RUFY1: variants seen among roughly 807,000 people sequenced by gnomAD.
RUFY1 encodes RUN and FYVE domain-containing protein 1.
In RUFY1, 54 loss-of-function variants were observed where a neutral mutation model predicts 94.6. That is an observed-to-expected ratio of 0.57 (90% CI 0.46 to 0.72). RUFY1 has a LOEUF of 0.72. Ranked by LOEUF, RUFY1 falls within the 30% of genes least tolerant of loss-of-function variation. The pLI, the probability that RUFY1 is intolerant of heterozygous loss-of-function variation, is 0.00. For missense variants in RUFY1, 883 were observed against 883.9 expected, an observed-to-expected ratio of 1.00 and a Z score of 0.01; for synonymous variants, 396 against 347.3, an observed-to-expected ratio of 1.14 and a Z score of -1.56.
In RUFY1 at chr5:179,609,460, C is replaced by T. The variant is rs201071293; in HGVS notation, c.2068C>T (p.Arg690Ter). Residue 690 changes from arginine to a stop codon, truncating the protein, a stop_gained, in exon 18 of 18, where the codon CGA becomes TGA. Transcript: ENST00000319449. LOFTEE classifies it high-confidence loss of function. ...LALPSYPKPV[R>*]VCDSCHTLLL... ...CCTGCCCTCCTACCCCAAGCCGGTG[C>T]GAGTGTGCGACAGCTGCCACACCCT... The T allele has an allele frequency of 3.1e-6, 5 of 1,611,984 alleles. No individual in the cohort carries two copies. The highest frequency in any genetic ancestry group is 4.2e-6 in the Non-Finnish European group (5 of 1,179,770).
intron 5 of RUFY1, among the ~76,000 whole-genome samples, chr5:179,573,583 C>T (rs574651062): frequency 1.1e-3 from 167 of 152,034 alleles, no homozygotes; most frequent in Non-Finnish European, 2.1e-3. Flanking sequence ...AGTGCAGTGG[C>T]ATAATCTCCA....
At chr5:179,586,615 C>T (rs911778238) in intron 8 of RUFY1, 25 of 348,406 alleles carry the variant, frequency 7.2e-5, no homozygotes, top group South Asian at 5.1e-4. Context: ...TAATGAGGGA[C>T]CCCGTGTAAG....
At chr5:179,589,839 C>T (rs1217160539) in intron 9 of RUFY1, among the ~76,000 whole-genome samples, 192 bp downstream of exon 9, 2 of 152,216 alleles carry the variant, frequency 1.3e-5, no homozygotes, top group Non-Finnish European at 2.9e-5. Context: ...GACGGGGACT[C>T]CCTTCATGGC....
In RUFY1 at chr5:179,609,379, C is replaced by T. The variant is rs1168624723; in HGVS notation, c.1987C>T (p.His663Tyr). ...CCGCCTTCTTCCCGTCCTGTAGCAC[C>T]ACTGCCGGAACTGTGGCCACATCTT... ...KEFSISRRKH[H>Y]CRNCGHIFCN... is the part of the protein sequence containing the mutation. The change falls in exon 18 of 18, where the codon CAC (histidine) becomes TAC (tyrosine). Residue 663 changes from histidine (H) to tyrosine (Y), a missense_variant. His to Tyr is a moderately conservative substitution (Grantham distance 83). Coordinates refer to ENST00000319449, the MANE Select transcript of RUFY1 (RefSeq NM_025158.5). 6.2e-7 allele frequency: 1 copy of T among 1,613,090 alleles called. No individual in the cohort carries two copies. The highest frequency in any genetic ancestry group is 8.5e-7 in the Non-Finnish European group (1 of 1,179,828).
At chr5:179,581,130 G>C (rs145041181) in intron 7 of RUFY1, 118 bp downstream of exon 7, 1 of 636,950 alleles carries the variant, frequency 1.6e-6, no homozygotes, top group Non-Finnish European at 2.8e-6. Context: ...AAGACAAAAG[G>C]GTCATCATTC....
At chr5:179,603,735 G>A (rs1218638604) in intron 15 of RUFY1, 1 of 152,214 alleles carries the variant, frequency 6.6e-6, no homozygotes, top group Non-Finnish European at 1.5e-5. Flanking sequence ...CATAGACCTC[G>A]AAACTGTGGT....
chr5:179,606,548 CAGCTGTGCCGTGGCAGCAATGCAAA>C (rs1302998440), intron 16 of RUFY1: 1 of 156,794 alleles, frequency 6.4e-6, no homozygotes, highest in African/African-American at 2.4e-5. Context: ...GCTTCGGCCT[CAGCTGTGCCGTGGCAGCAATGCAAA>C]AGCAGTCCCT....
At chr5:179,563,203 T>C (rs2127515382) in intron 3 of RUFY1, among the ~76,000 whole-genome samples, 1 of 152,282 alleles carries the variant, frequency 6.6e-6, no homozygotes, top group Admixed American at 6.5e-5. Context: ...AAAAGAACCC[T>C]CTGCAGAGTT....
intron 5 of RUFY1, among the ~76,000 whole-genome samples, chr5:179,570,036 G>A (rs982777141): frequency 6.4e-5 from 9 of 141,112 alleles, no homozygotes; most frequent in South Asian, 2.4e-4. Flanking sequence ...GAGCCACTGC[G>A]CCCGGCCTGT....
At chr5:179,596,449 A>G in intron 12 of RUFY1, 113 bp from the exon 13 acceptor site, 1 of 1,360,414 alleles carries the variant, frequency 7.4e-7, no homozygotes, top group Non-Finnish European at 1.0e-6. Flanking sequence ...GTTAAAACTC[A>G]CAAGAGTTAA....
At chr5:179,583,835 C>T (rs1328583229) in intron 7 of RUFY1, among the ~76,000 whole-genome samples, 1 of 151,888 alleles carries the variant, frequency 6.6e-6, no homozygotes, top group Non-Finnish European at 1.5e-5. Context: ...CTGCAAGCTT[C>T]GCCTCCCAGG....
In RUFY1 at chr5:179,598,833, CA is replaced by C. The variant is rs746632642; in HGVS notation, c.1761+13del. The C allele has an allele frequency of 1.2e-6, 2 of 1,614,054 alleles. No homozygotes were observed. The highest frequency in any genetic ancestry group is 2.2e-5 in the South Asian group (2 of 91,080). ...AAGGACTGAAAAAGGTGAGGTGGGC[CA>C]TCCCGGGAGAGGAGAGCCTCTGGCA... On this transcript the variant is annotated intron_variant, in intron 14 of 17. Coordinates refer to ENST00000319449, the MANE Select transcript of RUFY1 (RefSeq NM_025158.5).
Position 179,570,626 on chromosome 5 carries a change from G to A in RUFY1, c.828+1201G>A, listed in dbSNP as rs140172133. On this transcript the variant is annotated intron_variant, in intron 5 of 17. Transcript: ENST00000319449. ...CTTCCACCCCCTCTTCGGGGCATCC[G>A]CAGCTGTAGCTGGGCCACTGCCCAG... 9.0e-4 allele frequency among the ~76,000 whole-genome samples: 137 copies of A among 152,234 alleles called. 2 individuals are homozygous for A. The highest frequency in any genetic ancestry group is 3.2e-3 in the African/African-American group (132 of 41,556).
At chr5:179,551,386 G>C (rs1028418370) in intron 1 of RUFY1, among the ~76,000 whole-genome samples, 1 of 152,274 alleles carries the variant, frequency 6.6e-6, no homozygotes, top group Non-Finnish European at 1.5e-5. Context: ...CAGCATATCA[G>C]TGATAGTAAG....
chr5:179,608,493 C>A (rs1398630495), intron 17 of RUFY1: 6 of 985,428 alleles, frequency 6.1e-6, no homozygotes, highest in Non-Finnish European at 7.2e-6. Flanking sequence ...TTATCAGGCA[C>A]CCAGGGAACC....
chr5:179,562,185 G>A (rs964148521), intron 2 of RUFY1, among the ~76,000 whole-genome samples: 2 of 151,776 alleles, frequency 1.3e-5, no homozygotes, highest in African/African-American at 2.4e-5. Context: ...AGGCCGAGGC[G>A]GGCAGATCAC....
At position 179,562,670 on chromosome 5, in the gene RUFY1, T is replaced by A; in HGVS notation, c.602+6T>A. On this transcript the variant is annotated splice_donor_region_variant and intron_variant, in intron 3 of 17. Coordinates refer to ENST00000319449, the MANE Select transcript of RUFY1 (RefSeq NM_025158.5). Reference sequence around the variant, plus strand: ...AGAAATCTTCCAGAATTAAAGTGAGTGAGAAGTAGTTCTGCCAATTTGATG... The same window carrying A: ...AGAAATCTTCCAGAATTAAAGTGAGAGAGAAGTAGTTCTGCCAATTTGATG... The A allele has an allele frequency of 7.3e-7, 1 of 1,366,180 alleles. No individual in the cohort carries two copies. Among genetic ancestry groups the A allele is most frequent in the Non-Finnish European group, 1.0e-6 (1 of 957,362 alleles). 84.6% of individuals were successfully genotyped at this position (1,366,180 alleles called of 1,614,324 possible). A position where few individuals can be genotyped will look rare whatever the true frequency, so the allele number is the denominator to read the frequency against.
intron 15 of RUFY1, among the ~76,000 whole-genome samples, chr5:179,605,546 C>G (rs922730769): frequency 6.6e-6 from 1 of 152,168 alleles, no homozygotes; most frequent in Non-Finnish European, 1.5e-5. Flanking sequence ...GAGACTAGTG[C>G]AGAACAGGGC....
chr5:179,596,280 A>T, intron 12 of RUFY1: 1 of 480,088 alleles, frequency 2.1e-6, no homozygotes, highest in Non-Finnish European at 3.8e-6. Context: ...GTCAGTCTCA[A>T]GGTTATATAA....
Sources: allele counts gnomAD v4.1 joint callset (sites outside exome capture counted in the v4.1 genomes callset), GRCh38; gene constraint gnomAD v4.1.1; transcripts MANE v1.5; gene names NCBI Gene and HGNC (gene_info 2026-07-23, HGNC 2026-07-21).